Variants in HORMAD2 observed in about 807,000 individuals in gnomAD.
HORMAD2 encodes HORMA domain containing 2, also known as HORMA domain-containing protein 2.
HORMAD2 carries 45 observed loss-of-function variants against 38.8 expected under a neutral mutation model. That is an observed-to-expected ratio of 1.16 (90% CI 0.91 to 1.49). HORMAD2 has a LOEUF of 1.49. Among genes scored for constraint, HORMAD2 ranks in the 40% most tolerant of loss-of-function variants. The probability of loss-of-function intolerance (pLI) is 0.00; values close to 1 mark genes in which losing one functional copy is unlikely to be tolerated. For missense variants in HORMAD2, 338 were observed against 367.0 expected (o/e 0.92, Z 0.65); for synonymous variants, 126 against 122.8 (o/e 1.03, Z -0.17).
chr22:30,165,219 A>G (rs1925705344), intron 10 of HORMAD2, among the ~76,000 whole-genome samples: 2 of 152,194 alleles, frequency 1.3e-5, no homozygotes, highest in South Asian at 4.1e-4. Flanking sequence ...GACCATATAC[A>G]TGAGGGTTTA....
At position 30,155,076 on chromosome 22, in the gene HORMAD2, T is replaced by TAA. The variant is rs76739346; in HGVS notation, c.820-20972_820-20971dup. 4.6e-3 allele frequency among the ~76,000 whole-genome samples: 629 copies of TAA among 138,044 alleles called. 7 individuals carry two copies. Among genetic ancestry groups the TAA allele is most frequent in the African/African-American group, 0.016 (594 of 37,516 alleles). The allele number at this position is 138,044 out of a possible 152,430, so 90.6% of individuals were successfully genotyped here. On this transcript the variant is annotated intron_variant, in intron 10 of 10. Coordinates refer to ENST00000336726, the MANE Select transcript of HORMAD2 (RefSeq NM_152510.4). ...TGACAAAGTGAGACCTTGCTTTTTT[T>TAA]AAAAAAAAAAAAAAAAGAAAGAAAG...
chr22:30,096,627 C>T (rs1262514333), intron 2 of HORMAD2, among the ~76,000 whole-genome samples: 1 of 151,976 alleles, frequency 6.6e-6, no homozygotes, highest in East Asian at 1.9e-4. Context: ...TTTACCACAC[C>T]TGGCTAATTT....
intron 1 of HORMAD2, among the ~76,000 whole-genome samples, chr22:30,083,772 T>C (rs1275902625): frequency 6.6e-6 from 1 of 152,104 alleles, no homozygotes; most frequent in East Asian, 1.9e-4. Flanking sequence ...CCCACCACCA[T>C]GCCCAGTTTT....
At chr22:30,161,838 T>A (rs1925457427) in intron 10 of HORMAD2, among the ~76,000 whole-genome samples, 1 of 152,202 alleles carries the variant, frequency 6.6e-6, no homozygotes, top group Non-Finnish European at 1.5e-5. Flanking sequence ...GTAATAAAAA[T>A]GTTGATTATT....
At chr22:30,204,700 C>T in the HORMAD2 span, among the ~76,000 whole-genome samples, 1 of 152,106 alleles carries the variant, frequency 6.6e-6, no homozygotes, top group Admixed American at 6.5e-5. Flanking sequence ...TGGGTGATTT[C>T]GAAGGTGATG....
At chr22:30,103,531 C>T (rs1026295409) in intron 4 of HORMAD2, 31 bp downstream of exon 4, 2 of 1,161,810 alleles carry the variant, frequency 1.7e-6, no homozygotes, top group East Asian at 5.3e-5. Context: ...AAAAGTTGAA[C>T]AACATTATTT....
At chr22:30,154,710 G>A (rs1277823239) in intron 10 of HORMAD2, among the ~76,000 whole-genome samples, 1 of 152,134 alleles carries the variant, frequency 6.6e-6, no homozygotes, top group African/African-American at 2.4e-5. Context: ...TTTTTAGAAT[G>A]TCCTTCAATT....
At chr22:30,108,435 C>T (rs1368593531) in intron 5 of HORMAD2, among the ~76,000 whole-genome samples, 1 of 152,184 alleles carries the variant, frequency 6.6e-6, no homozygotes, top group Non-Finnish European at 1.5e-5. Context: ...ACATGCCAAG[C>T]TCCTTTTACC....
intron 7 of HORMAD2, among the ~76,000 whole-genome samples, chr22:30,116,496 C>T (rs1307091922): frequency 6.6e-6 from 1 of 152,142 alleles, no homozygotes; most frequent in Non-Finnish European, 1.5e-5. Context: ...GGAGAGGCTG[C>T]ATATGTTGCT....
At chr22:30,130,567 G>A (rs1923203652) in intron 10 of HORMAD2, among the ~76,000 whole-genome samples, 1 of 148,676 alleles carries the variant, frequency 6.7e-6, no homozygotes, top group African/African-American at 2.5e-5. Flanking sequence ...TTCAGGACAG[G>A]TCTTCATTCT....
chr22:30,189,475 G>A, the HORMAD2 span, among the ~76,000 whole-genome samples: 1 of 152,086 alleles, frequency 6.6e-6, no homozygotes, highest in Non-Finnish European at 1.5e-5. Context: ...GGTTTCTGAT[G>A]CGTATAATTG....
downstream of HORMAD2, among the ~76,000 whole-genome samples, chr22:30,181,093 C>T (rs1031074700): frequency 1.3e-5 from 2 of 151,308 alleles, no homozygotes; most frequent in African/African-American, 2.4e-5. Context: ...GCAGTGGAGC[C>T]TCAACTTCCC....
intron 10 of HORMAD2, among the ~76,000 whole-genome samples, chr22:30,147,639 C>T (rs1924499282): frequency 6.6e-6 from 1 of 151,872 alleles, no homozygotes; most frequent in Non-Finnish European, 1.5e-5. Context: ...AACTTCTCTC[C>T]CAAAGACATT....
intron 4 of HORMAD2, 58 bp from the exon 5 acceptor site, chr22:30,104,343 G>A: frequency 7.2e-7 from 1 of 1,394,330 alleles, no homozygotes; most frequent in Non-Finnish European, 1.0e-6. Context: ...TTCTGTACTT[G>A]GAATTTTTTT....
intron 10 of HORMAD2, among the ~76,000 whole-genome samples, chr22:30,169,395 A>T (rs1444479337): frequency 6.6e-6 from 1 of 152,212 alleles, no homozygotes; most frequent in East Asian, 1.9e-4. Context: ...AAAACTTTTA[A>T]AGTTATATGA....
At chr22:30,095,999 T>C (rs2146078335) in intron 2 of HORMAD2, among the ~76,000 whole-genome samples, 1 of 152,254 alleles carries the variant, frequency 6.6e-6, no homozygotes, top group Middle Eastern at 3.4e-3. Context: ...CATAGATTAG[T>C]TTCACCTGCT....
chr22:30,187,084 T>C, the HORMAD2 span, among the ~76,000 whole-genome samples: 2 of 152,170 alleles, frequency 1.3e-5, no homozygotes, highest in Non-Finnish European at 2.9e-5. Flanking sequence ...TATAATAAAA[T>C]GTGAATGTCG....
intron 10 of HORMAD2, among the ~76,000 whole-genome samples, chr22:30,133,847 T>A (rs544999631): frequency 6.6e-6 from 1 of 152,152 alleles, no homozygotes; most frequent in Non-Finnish European, 1.5e-5. Flanking sequence ...TGCCATTTTT[T>A]ATAAGGGATT....
At position 30,098,842 on chromosome 22, in the gene HORMAD2, G is replaced by T; in HGVS notation, c.52-10G>T. On this transcript the variant is annotated splice_polypyrimidine_tract_variant and intron_variant, in intron 2 of 10. Coordinates refer to ENST00000336726, the MANE Select transcript of HORMAD2 (RefSeq NM_152510.4). The stretch of plus-strand genomic sequence containing the variant: ...ATACTAATCTTTTTTCACCTCCGTT[G>T]TTTTTCCAGGAAACAGTTTTCCCAT... 3 of 1,606,466 alleles carry T rather than the reference G, an allele frequency of 1.9e-6. No homozygotes were observed. The highest frequency in any genetic ancestry group is 1.7e-5 in the Admixed American group (1 of 58,682).
Sources: allele counts gnomAD v4.1 joint callset (sites outside exome capture counted in the v4.1 genomes callset), GRCh38; gene constraint gnomAD v4.1.1; transcripts MANE v1.5; gene names NCBI Gene and HGNC (gene_info 2026-07-23, HGNC 2026-07-21).